The following SYN3 variants were observed in gnomAD, a reference collection of about 807,000 sequenced individuals.
The protein encoded by SYN3 is synapsin-3.
Under a neutral mutation model 65.8 loss-of-function variants are expected in SYN3, and 35 were observed. The observed-to-expected ratio is 0.53, with a 90% CI of 0.41 to 0.70. The LOEUF (loss-of-function observed/expected upper bound fraction) is 0.70, where lower values mean the gene tolerates loss of function less well. Ranked by LOEUF, SYN3 falls within the 30% of genes least tolerant of loss-of-function variation. SYN3 has a pLI of 0.00. For missense variants in SYN3, 680 were observed against 749.0 expected (o/e 0.91, Z 1.08); for synonymous variants, 270 against 292.9 (o/e 0.92, Z 0.80).
At chr22:32,848,519 T>C (rs1052154159) in intron 6 of SYN3, among the ~76,000 whole-genome samples, 2 of 152,156 alleles carry the variant, frequency 1.3e-5, no homozygotes, top group African/African-American at 2.4e-5. Flanking sequence ...TGGCACATAG[T>C]AGGTGTGCAA....
intron 6 of SYN3, among the ~76,000 whole-genome samples, chr22:32,655,131 C>T (rs1239928743): frequency 6.6e-6 from 1 of 152,176 alleles, no homozygotes; most frequent in East Asian, 1.9e-4. Context: ...CTTTGGGAGG[C>T]TTCAGAGAGC....
At chr22:32,666,027 C>G (rs1403780010) in intron 6 of SYN3, among the ~76,000 whole-genome samples, 1 of 152,198 alleles carries the variant, frequency 6.6e-6, no homozygotes, top group African/African-American at 2.4e-5. Flanking sequence ...ATGGCAGCAT[C>G]AGGTCAAAAC....
At chr22:32,746,070 G>A (rs1276605710) in intron 6 of SYN3, among the ~76,000 whole-genome samples, 1 of 152,212 alleles carries the variant, frequency 6.6e-6, no homozygotes, top group Admixed American at 6.5e-5. Flanking sequence ...CACCTCTTAA[G>A]AATTGTTGTC....
At chr22:32,989,644 G>A (rs1330193802) in intron 2 of SYN3, among the ~76,000 whole-genome samples, 1 of 151,902 alleles carries the variant, frequency 6.6e-6, no homozygotes, top group Non-Finnish European at 1.5e-5. Context: ...AGACCAGCCT[G>A]GCCAACATGG....
chr22:32,549,506 G>T (rs1371478774), intron 7 of SYN3, among the ~76,000 whole-genome samples: 2 of 152,162 alleles, frequency 1.3e-5, no homozygotes, highest in African/African-American at 2.4e-5. Context: ...TCCGGCCTTG[G>T]CTTCCCAAAG....
chr22:32,854,719 G>A (rs757789412), intron 6 of SYN3, among the ~76,000 whole-genome samples: 8 of 152,132 alleles, frequency 5.3e-5, no homozygotes, highest in South Asian at 4.1e-4. Flanking sequence ...CGCCCCCACC[G>A]CGTAATTGAA....
At chr22:32,686,550 G>A (rs1392576646) in intron 6 of SYN3, among the ~76,000 whole-genome samples, 3 of 148,182 alleles carry the variant, frequency 2.0e-5, no homozygotes, top group African/African-American at 7.4e-5. Flanking sequence ...GTTTGGTGCT[G>A]AAAGGAGAGC....
intron 7 of SYN3, 31 bp downstream of exon 7, chr22:32,596,641 GTC>G (rs1222100367): frequency 6.2e-7 from 1 of 1,605,932 alleles, no homozygotes; most frequent in Admixed American, 1.7e-5. Flanking sequence ...CTCTGGGTGT[GTC>G]CACTGTGAGT....
At chr22:32,720,684 G>A (rs563437963) in intron 6 of SYN3, among the ~76,000 whole-genome samples, 25 of 152,320 alleles carry the variant, frequency 1.6e-4, no homozygotes, top group Middle Eastern at 3.4e-3. Context: ...CCATAAACCC[G>A]GCCTTGTGGC....
At chr22:32,858,187 C>G (rs1324410660) in intron 6 of SYN3, 2 of 1,606,520 alleles carry the variant, frequency 1.2e-6, no homozygotes, top group South Asian at 2.2e-5. Context: ...TGACTTGCAG[C>G]CCTAGAAACA....
chr22:32,775,195 G>A (rs130532), intron 6 of SYN3, among the ~76,000 whole-genome samples: 23,007 of 152,066 alleles, frequency 0.15, 2,258 homozygotes, highest in East Asian at 0.35. Context: ...GCAGGAGTGT[G>A]GAGAGGTGGA....
chr22:33,008,833 G>T (rs1018193144), intron 1 of SYN3, among the ~76,000 whole-genome samples: 2 of 149,274 alleles, frequency 1.3e-5, no homozygotes, highest in Admixed American at 1.4e-4. Flanking sequence ...GCTGAGGCAC[G>T]AGAATCGCTT....
chr22:32,610,174 G>A (rs947615090), intron 6 of SYN3, among the ~76,000 whole-genome samples: 75 of 151,920 alleles, frequency 4.9e-4, no homozygotes, highest in Admixed American at 4.6e-4. Flanking sequence ...TCAGCTACTC[G>A]GGAGGCTGAG....
chr22:32,667,350 A>C (rs1037849808), intron 6 of SYN3, among the ~76,000 whole-genome samples: 1 of 151,556 alleles, frequency 6.6e-6, no homozygotes, highest in Non-Finnish European at 1.5e-5. Flanking sequence ...TTTCTGTAAG[A>C]CTGAAGGGAT....
intron 6 of SYN3, among the ~76,000 whole-genome samples, chr22:32,755,131 A>G (rs923576558): frequency 2.0e-5 from 3 of 152,220 alleles, no homozygotes; most frequent in African/African-American, 7.2e-5. Context: ...AACATCGAAC[A>G]TTTACTGAGA....
At chr22:32,911,481 T>C (rs1431468137) in intron 4 of SYN3, among the ~76,000 whole-genome samples, 2 of 152,002 alleles carry the variant, frequency 1.3e-5, no homozygotes, top group Admixed American at 6.6e-5. Flanking sequence ...AGAATAAACA[T>C]GGCCAGATGG....
chr22:32,943,310 G>T (rs956324454), intron 3 of SYN3, among the ~76,000 whole-genome samples: 4 of 152,194 alleles, frequency 2.6e-5, no homozygotes, highest in African/African-American at 9.7e-5. Flanking sequence ...TTAAAGAAAA[G>T]AATTTTCAAC....
intron 1 of SYN3, among the ~76,000 whole-genome samples, chr22:33,030,622 CAGAG>C (rs1383757220): frequency 6.7e-6 from 1 of 148,818 alleles, no homozygotes; most frequent in Non-Finnish European, 1.5e-5. Flanking sequence ...AAAATAAACA[CAGAG>C]AGACAGAGAA....
At chr22:32,600,274 G>A (rs1034548481) in intron 6 of SYN3, among the ~76,000 whole-genome samples, 2 of 152,176 alleles carry the variant, frequency 1.3e-5, no homozygotes, top group African/African-American at 4.8e-5. Flanking sequence ...TTCCTCGAAT[G>A]CGCAATTCAC....
Sources: gnomAD v4.1 joint callset for allele counts (sites outside exome capture counted in the v4.1 genomes callset) on GRCh38, gnomAD v4.1.1 for gene constraint, MANE v1.5 for transcripts, NCBI Gene and HGNC (gene_info 2026-07-23, HGNC 2026-07-21) for gene names.